The following FSTL4 variants were observed in gnomAD, a reference collection of about 807,000 sequenced individuals.
The protein encoded by FSTL4 is follistatin-related protein 4.
A neutral mutation model predicts 78.2 loss-of-function variants in FSTL4; 28 were observed. That is an observed-to-expected ratio of 0.36 (90% CI 0.27 to 0.49). FSTL4 has a LOEUF of 0.49. FSTL4 is among the 20% of genes least tolerant of loss of function. The pLI is 0.98. For synonymous variants in FSTL4, 422 were observed against 440.5 expected, an observed-to-expected ratio of 0.96 and a Z score of 0.53; for missense variants, 922 against 1,084.9, an observed-to-expected ratio of 0.85 and a Z score of 2.11.
chr5:133,433,894 A>G (rs1756989541), intron 3 of FSTL4, among the ~76,000 whole-genome samples: 1 of 152,072 alleles, frequency 6.6e-6, no homozygotes, highest in South Asian at 2.1e-4. Flanking sequence ...GGAGCGTGGC[A>G]GGAGATGAGG....
chr5:133,536,299 T>C (rs534965410), intron 3 of FSTL4, among the ~76,000 whole-genome samples: 1 of 152,304 alleles, frequency 6.6e-6, no homozygotes, highest in South Asian at 2.1e-4. Flanking sequence ...TTTATTTATT[T>C]ATTCAGATTA....
the FSTL4 span, among the ~76,000 whole-genome samples, chr5:133,788,909 G>A: frequency 6.6e-6 from 1 of 152,148 alleles, no homozygotes; most frequent in Non-Finnish European, 1.5e-5. Context: ...GGAAGAAGGT[G>A]TTCTCAGGAA....
At chr5:133,268,680 A>C (rs2126844071) in intron 6 of FSTL4, among the ~76,000 whole-genome samples, 1 of 152,308 alleles carries the variant, frequency 6.6e-6, no homozygotes, top group Middle Eastern at 3.4e-3. Flanking sequence ...TGGAAACCAT[A>C]AAACATGGAG....
rs531461928 is a variant in FSTL4, at chr5:133,352,375, T to C, written c.410-35723A>G. Among the ~76,000 whole-genome samples the C allele has an allele frequency of 3.5e-4, 50 of 142,876 alleles. No individual in the cohort carries two copies. In the Middle Eastern group the frequency reaches 0.011, roughly 31 times the overall value. The allele number at this position is 142,876 out of a possible 152,430, so 93.7% of individuals were successfully genotyped here. A position where few individuals can be genotyped will look rare whatever the true frequency, so the allele number is the denominator to read the frequency against. ...ATATACACACACATATATATACACA[T>C]ATATATATATACACACACATATATA... On this transcript the variant is annotated intron_variant, in intron 4 of 15. Transcript: ENST00000265342.
the FSTL4 span, among the ~76,000 whole-genome samples, chr5:133,636,753 C>T: frequency 6.6e-6 from 1 of 151,998 alleles, no homozygotes. Context: ...TAACAGGATC[C>T]TAGAGATGAT....
intron 3 of FSTL4, among the ~76,000 whole-genome samples, chr5:133,450,800 AG>A (rs1236328940): frequency 1.3e-5 from 2 of 152,224 alleles, no homozygotes; most frequent in Non-Finnish European, 2.9e-5. Flanking sequence ...TTTTCAGATC[AG>A]ATCCATCAGG....
At chr5:133,645,054 C>G in the FSTL4 span, among the ~76,000 whole-genome samples, 1 of 152,148 alleles carries the variant, frequency 6.6e-6, no homozygotes, top group Non-Finnish European at 1.5e-5. Flanking sequence ...CCGGAGACCT[C>G]ATGACCCTTT....
intron 3 of FSTL4, among the ~76,000 whole-genome samples, chr5:133,523,207 G>A (rs527979660): frequency 1.3e-5 from 2 of 152,348 alleles, no homozygotes; most frequent in South Asian, 2.1e-4. Context: ...GAAGGTAGCT[G>A]TGTGCAAGCC....
At chr5:133,255,491 G>C (rs563276383) in intron 6 of FSTL4, among the ~76,000 whole-genome samples, 14 of 152,320 alleles carry the variant, frequency 9.2e-5, no homozygotes, top group African/African-American at 3.4e-4. Context: ...AGTGTGGGTT[G>C]GTTGGCACAA....
chr5:133,326,299 T>C (rs1303061857), intron 4 of FSTL4, among the ~76,000 whole-genome samples: 3 of 152,240 alleles, frequency 2.0e-5, no homozygotes, highest in South Asian at 2.1e-4. Context: ...CAGTGTTGAC[T>C]GAGCCACAAA....
At chr5:133,317,560 G>A (rs910488374) in intron 4 of FSTL4, among the ~76,000 whole-genome samples, 3 of 152,208 alleles carry the variant, frequency 2.0e-5, no homozygotes, top group Non-Finnish European at 4.4e-5. Context: ...GGAGCCTGGG[G>A]CTCTTCTCCT....
At position 133,210,202 on chromosome 5, in the gene FSTL4, G is replaced by C. The variant is rs1750659690; in HGVS notation, c.1705C>G (p.Pro569Ala). The C allele has an allele frequency of 1.3e-6, 2 of 1,590,732 alleles. No homozygotes were observed. Among genetic ancestry groups the C allele is most frequent in the African/African-American group, 2.7e-5 (2 of 74,552 alleles). The part of the protein sequence containing the change: ...LSWGDVHKSR[P>A]SLQVITEAST... ...TGTGCTCAACATACCTGGAGACTTG[G>C]TCGGGACTTGTGCACGTCCCCCCAG... Residue 569 changes from proline (P) to alanine (A), a missense_variant, in exon 14 of 16, where the codon CCA becomes GCA. By Grantham distance (27) the Pro-to-Ala change is conservative. Coordinates refer to ENST00000265342, the MANE Select transcript of FSTL4 (RefSeq NM_015082.2).
intron 4 of FSTL4, among the ~76,000 whole-genome samples, chr5:133,330,214 T>G (rs779598935): frequency 3.3e-5 from 5 of 152,220 alleles, no homozygotes; most frequent in Non-Finnish European, 5.9e-5. Flanking sequence ...TTTCCTGCAT[T>G]TCTCCTTTTT....
At chr5:133,786,209 T>A in the FSTL4 span, among the ~76,000 whole-genome samples, 1 of 152,216 alleles carries the variant, frequency 6.6e-6, no homozygotes, top group Non-Finnish European at 1.5e-5. Flanking sequence ...CAGGTCATCC[T>A]GGACTTTACA....
chr5:133,550,996 T>C (rs1759681559), intron 3 of FSTL4, among the ~76,000 whole-genome samples: 1 of 152,200 alleles, frequency 6.6e-6, no homozygotes. Context: ...CTCATCTTGC[T>C]CCTCTCCTCC....
chr5:133,806,664 G>A, the FSTL4 span, among the ~76,000 whole-genome samples: 5 of 152,260 alleles, frequency 3.3e-5, no homozygotes, highest in African/African-American at 7.2e-5. Context: ...CAGGGGCCTC[G>A]GCCCAGAGCT....
intron 3 of FSTL4, among the ~76,000 whole-genome samples, chr5:133,487,077 T>C (rs1380406399): frequency 2.0e-5 from 3 of 152,182 alleles, no homozygotes; most frequent in Non-Finnish European, 4.4e-5. Flanking sequence ...CTGGGGGTAG[T>C]GGGTCTGATT....
At chr5:133,294,578 T>C (rs12187702) in intron 6 of FSTL4, among the ~76,000 whole-genome samples, 101,430 of 151,978 alleles carry the variant, frequency 0.67, 34,269 homozygotes, top group Non-Finnish European at 0.73. Flanking sequence ...CCTGTGTAAG[T>C]GCCAGGTGAT....
chr5:133,645,835 C>A, the FSTL4 span, among the ~76,000 whole-genome samples: 2 of 152,130 alleles, frequency 1.3e-5, no homozygotes, highest in South Asian at 4.1e-4. Context: ...CCAGAAAAGG[C>A]AAGAAAGTTT....
Sources: gnomAD v4.1 joint callset for allele counts (sites outside exome capture counted in the v4.1 genomes callset) on GRCh38, gnomAD v4.1.1 for gene constraint, MANE v1.5 for transcripts, NCBI Gene and HGNC (gene_info 2026-07-23, HGNC 2026-07-21) for gene names.